Variants in PGRMC2 observed in about 807,000 individuals in gnomAD.
PGRMC2 encodes the protein membrane-associated progesterone receptor component 2.
In PGRMC2, 9 loss-of-function variants were observed where a neutral mutation model predicts 19.3. That is an observed-to-expected ratio of 0.47 (90% CI 0.28 to 0.81). The LOEUF is 0.81. Ranked by LOEUF, PGRMC2 falls within the 40% of genes least tolerant of loss-of-function variation. PGRMC2 has a pLI of 0.11. For synonymous variants in PGRMC2, 157 were observed against 124.6 expected (o/e 1.26, Z -1.73); for missense variants, 289 against 297.3 (o/e 0.97, Z 0.21).
Position 128,271,185 on chromosome 4 carries a change from A to G in PGRMC2, c.*131T>C, listed in dbSNP as rs1407631717. ...TTATTCAAATCTTCATAGTGAGATT[A>G]ATTTATCTTGTACACAATTTGTTGA... is the stretch of plus-strand genomic sequence containing the variant. On this transcript the variant is annotated 3_prime_UTR_variant, in exon 3 of 3. Coordinates refer to ENST00000296425, the MANE Select transcript of PGRMC2 (RefSeq NM_006320.6). The G allele has an allele frequency of 1.9e-6, 1 of 516,308 alleles. No homozygotes were observed. The allele number at this position is 516,308 out of a possible 1,614,324, so 32.0% of individuals were successfully genotyped here.
At position 128,272,510 on chromosome 4, in the gene PGRMC2, T is replaced by C. The variant is rs145910626; in HGVS notation, c.426A>G (p.Pro142=). The C allele has an allele frequency of 2.0e-4, 291 of 1,475,544 alleles. 2 individuals are homozygous for C. In the African/African-American group the frequency reaches 3.8e-3, roughly 19 times the overall value. 91.4% of individuals were successfully genotyped at this position (1,475,544 alleles called of 1,614,324 possible). A position where few individuals can be genotyped will look rare whatever the true frequency, so the allele number is the denominator to read the frequency against. The change falls in exon 2 of 3, where the codon CCA becomes CCG. Residue 142 remains proline, a synonymous_variant. Coordinates refer to ENST00000296425, the MANE Select transcript of PGRMC2 (RefSeq NM_006320.6). ...KGSKFYGPAG[P]YGIFAGRDAS... is the part of the protein sequence containing the mutation. ...CATCCCTACCAGCAAATATTCCATA[T>C]GGACCCGCTGGAAAAAAGAAAATAA...
chr4:128,272,502 A>C lies in PGRMC2; in HGVS notation c.434T>G (p.Ile145Arg). The change falls in exon 2 of 3, where the codon ATA (isoleucine) becomes AGA (arginine). Residue 145 changes from isoleucine (I) to arginine (R), a missense_variant. By Grantham distance (97) the Ile-to-Arg change is moderately conservative (BLOSUM62 -3). Transcript: ENST00000296425. ...KFYGPAGPYG[I>R]FAGRDASRGL... Reference sequence around the variant, plus strand: ...TCTGGAGGCATCCCTACCAGCAAATATTCCATATGGACCCGCTGGAAAAAA... The same window carrying C: ...TCTGGAGGCATCCCTACCAGCAAATCTTCCATATGGACCCGCTGGAAAAAA... The C allele has an allele frequency of 6.6e-7, 1 of 1,512,956 alleles. No homozygotes were observed. The highest frequency in any genetic ancestry group is 8.8e-7 in the Non-Finnish European group (1 of 1,132,232). 93.7% of individuals were successfully genotyped at this position (1,512,956 alleles called of 1,614,324 possible). A position where few individuals can be genotyped will look rare whatever the true frequency, so the allele number is the denominator to read the frequency against.
chr4:128,287,240 C>T (rs1255659646), intron 1 of PGRMC2, 133 bp downstream of exon 1: 14 of 1,015,370 alleles, frequency 1.4e-5, no homozygotes, highest in Non-Finnish European at 2.0e-5. Flanking sequence ...GTCCCAGGTG[C>T]GGCGGCCGAG....
chr4:128,272,602 A>C lies in PGRMC2; in HGVS notation c.419-85T>G, dbSNP rs547882589. The C allele has an allele frequency of 1.3e-3, 1,121 of 835,146 alleles. 9 individuals carry two copies. The highest frequency in any genetic ancestry group is 0.011 in the African/African-American group (596 of 56,130). 51.7% of individuals were successfully genotyped at this position (835,146 alleles called of 1,614,324 possible). ...GAAAAAGTAAAAAAAAAAAAAAAAA[A>C]ACACAACAAAGAAAAAAACCCCTCA... On this transcript the variant is annotated intron_variant, in intron 1 of 2. Coordinates refer to ENST00000296425, the MANE Select transcript of PGRMC2 (RefSeq NM_006320.6).
chr4:128,284,536 T>G (rs1200179324), intron 1 of PGRMC2, among the ~76,000 whole-genome samples: 3 of 152,238 alleles, frequency 2.0e-5, no homozygotes, highest in East Asian at 3.8e-4. Context: ...TAATGCCAAC[T>G]GTTTGCCAAA....
chr4:128,287,298 C>T, intron 1 of PGRMC2, 75 bp downstream of exon 1: 10 of 1,501,238 alleles, frequency 6.7e-6, no homozygotes, highest in Non-Finnish European at 9.0e-6. Context: ...AACCCGGTGC[C>T]CAGAGGCCTC....
chr4:128,274,561 T>C (rs1308121142), intron 1 of PGRMC2, among the ~76,000 whole-genome samples: 4 of 150,216 alleles, frequency 2.7e-5, no homozygotes, highest in African/African-American at 9.8e-5. Flanking sequence ...TATGTCTGTG[T>C]GTGTACATGC....
intron 1 of PGRMC2, among the ~76,000 whole-genome samples, chr4:128,273,678 A>C (rs1218914005): frequency 6.6e-6 from 1 of 152,242 alleles, no homozygotes; most frequent in Non-Finnish European, 1.5e-5. Flanking sequence ...GATTATATTC[A>C]TATATAAAAG....
chr4:128,273,741 T>C (rs1214061137), intron 1 of PGRMC2, among the ~76,000 whole-genome samples: 1 of 152,170 alleles, frequency 6.6e-6, no homozygotes. Context: ...CTTCTGAGAG[T>C]AGAAATCGAG....
chr4:128,284,173 A>G (rs1760951393), intron 1 of PGRMC2, among the ~76,000 whole-genome samples: 1 of 152,242 alleles, frequency 6.6e-6, no homozygotes, highest in Middle Eastern at 3.4e-3. Context: ...GAAGAGTATA[A>G]AGAAAAACAA....
At chr4:128,282,091 C>T (rs1030845845) in intron 1 of PGRMC2, among the ~76,000 whole-genome samples, 2 of 152,182 alleles carry the variant, frequency 1.3e-5, no homozygotes, top group African/African-American at 4.8e-5. Flanking sequence ...TCCTTGTTTA[C>T]TGCCTCTCTT....
At position 128,270,401 on chromosome 4, in the gene PGRMC2, G is replaced by A. The variant is rs1231848335; in HGVS notation, c.*915C>T. On this transcript the variant is annotated 3_prime_UTR_variant, in exon 3 of 3. Transcript: ENST00000296425. ...GCATTTGGCCATTACAATGCTAATT[G>A]AGTTTGTGTATATTACATATATGGC... 1 of 152,580 alleles carries A rather than the reference G, an allele frequency of 6.6e-6. No homozygotes were observed. The allele number at this position is 152,580 out of a possible 1,614,324, so 9.5% of individuals were successfully genotyped here. A position where few individuals can be genotyped will look rare whatever the true frequency, so the allele number is the denominator to read the frequency against.
At position 128,270,491 on chromosome 4, in the gene PGRMC2, A is replaced by T. The variant is rs1458717111; in HGVS notation, c.*825T>A. 6.6e-6 allele frequency: 1 copy of T among 152,662 alleles called. No homozygotes were observed. The highest frequency in any genetic ancestry group is 1.5e-5 in the Non-Finnish European group (1 of 68,042). 9.5% of individuals were successfully genotyped at this position (152,662 alleles called of 1,614,324 possible). On this transcript the variant is annotated 3_prime_UTR_variant, in exon 3 of 3. Transcript: ENST00000296425. ...AGAATGATATCAAGGTTTTATGGTC[A>T]ACAGAATATTCCAACTTCAGTCTTA...
At chr4:128,274,879 A>T (rs3755895) in intron 1 of PGRMC2, among the ~76,000 whole-genome samples, 1,561 of 152,316 alleles carry the variant, frequency 0.01, 36 homozygotes, top group East Asian at 0.085. Context: ...TTTCTCTCTC[A>T]GAGTTTCCCA....
At chr4:128,275,160 C>T (rs541431319) in intron 1 of PGRMC2, among the ~76,000 whole-genome samples, 6 of 152,152 alleles carry the variant, frequency 3.9e-5, no homozygotes, top group Admixed American at 1.3e-4. Context: ...AGAGAATTAA[C>T]AAAAAAGCTC....
intron 1 of PGRMC2, among the ~76,000 whole-genome samples, chr4:128,283,848 A>T (rs144526227): frequency 6.6e-6 from 1 of 152,168 alleles, no homozygotes; most frequent in African/African-American, 2.4e-5. Flanking sequence ...TTTTGTAGAA[A>T]CAGGGTTTGG....
chr4:128,280,353 G>GTAA (rs1491523936), intron 1 of PGRMC2, among the ~76,000 whole-genome samples: 2 of 120,550 alleles, frequency 1.7e-5, no homozygotes, highest in East Asian at 2.3e-4. Context: ...AATTTTCTGG[G>GTAA]AAAAAAAAAA....
At chr4:128,280,396 TGAGTAG>T (rs1326988008) in intron 1 of PGRMC2, among the ~76,000 whole-genome samples, 63 of 145,782 alleles carry the variant, frequency 4.3e-4, no homozygotes, top group Non-Finnish European at 7.3e-4. Context: ...TCCACAGACT[TGAGTAG>T]AGTTTGGTAC....
chr4:128,287,321 G>A, intron 1 of PGRMC2, 52 bp downstream of exon 1: 2 of 1,551,176 alleles, frequency 1.3e-6, no homozygotes, highest in South Asian at 1.2e-5. Flanking sequence ...TGTCCGAAGG[G>A]GGTTGTGCTT....
Sources: gnomAD v4.1 joint callset for allele counts (sites outside exome capture counted in the v4.1 genomes callset) on GRCh38, gnomAD v4.1.1 for gene constraint, MANE v1.5 for transcripts, NCBI Gene and HGNC (gene_info 2026-07-23, HGNC 2026-07-21) for gene names.